The following SBNO2 variants were observed in gnomAD, a reference collection of about 807,000 sequenced individuals.
SBNO2 encodes the protein strawberry notch homolog 2.
In SBNO2, 89 loss-of-function variants were observed where a neutral mutation model predicts 146.3. That is an observed-to-expected ratio of 0.61 (90% confidence interval 0.51 to 0.73). The LOEUF (loss-of-function observed/expected upper bound fraction) is 0.73. SBNO2 is among the 30% of genes least tolerant of loss of function. The pLI is 0.00. For missense variants in SBNO2, 2,092 were observed against 2,003.7 expected (o/e 1.04, Z -0.84); for synonymous variants, 1,147 against 892.6 (o/e 1.29, Z -5.08).
chr19:1,114,396 C>A lies in SBNO2; in HGVS notation c.1912G>T (p.Ala638Ser). 6.5e-7 allele frequency: 1 copy of A among 1,546,004 alleles called. No homozygotes were observed. Among genetic ancestry groups the A allele is most frequent in the Non-Finnish European group, 8.7e-7 (1 of 1,144,284 alleles). Residue 638 changes from alanine (A) to serine (S), a missense_variant, in exon 18 of 32, where the codon GCC (alanine) becomes TCC (serine). Ala to Ser is a moderately conservative substitution (Grantham distance 99, BLOSUM62 1). Transcript: ENST00000361757. ...KRRPRGRGAK[A>S]PRLACETAGV... ...GCTGTCTCGCACGCCAGCCGGGGGG[C>A]TTTGGCCCCGCGTCCCCGAGGTCGC...
chr19:1,122,072 T>A, intron 11 of SBNO2, 67 bp downstream of exon 11: 168 of 462,462 alleles, frequency 3.6e-4, no homozygotes, highest in Non-Finnish European at 4.2e-4. Context: ...CTCCCACTCC[T>A]CCATCCTCCT....
intron 1 of SBNO2, 81 bp downstream of exon 1, chr19:1,174,091 G>A (rs1327691757): frequency 6.6e-6 from 1 of 151,172 alleles, no homozygotes; most frequent in Non-Finnish European, 1.5e-5. Context: ...GGGTCCGCGG[G>A]GAGCGCCGGA....
intron 1 of SBNO2, among the ~76,000 whole-genome samples, chr19:1,166,031 C>T (rs62640422): frequency 0.79 from 11,363 of 14,386 alleles, 4,172 homozygotes; most frequent in Middle Eastern, 0.86. Context: ...AGACCCCAGA[C>T]CCCAGACCCC....
intron 4 of SBNO2, among the ~76,000 whole-genome samples, chr19:1,138,302 G>A (rs980444549): frequency 6.6e-6 from 1 of 151,246 alleles, no homozygotes; most frequent in African/African-American, 2.4e-5. Flanking sequence ...GCCTGGGGGT[G>A]GGGCCGCGAG....
Position 1,112,356 on chromosome 19 carries a change from T to C in SBNO2, c.2515+46A>G. ...CCAGGCGGGGGCGGGGCCGAGACCA[T>C]GTTGGGGGCGGGGCCAGGCAGCGCT... On this transcript the variant is annotated intron_variant, in intron 21 of 31. Coordinates refer to ENST00000361757, the MANE Select transcript of SBNO2 (RefSeq NM_014963.3). The surrounding 1 kb of genome is among the most constrained non-coding windows in gnomAD (Gnocchi z 5.9). 1.3e-6 allele frequency: 2 copies of C among 1,568,104 alleles called. No individual in the cohort carries two copies. The highest frequency in any genetic ancestry group is 1.7e-6 in the Non-Finnish European group (2 of 1,159,436).
chr19:1,108,096 C>T lies in SBNO2; in HGVS notation c.*124G>A. ...GGGGGCCCGGGTCGGGCGCTGAAGGCACTGCGGCCAGGGCCTAGGGCTCCT... is the reference window on the plus strand; with the variant it reads ...GGGGGCCCGGGTCGGGCGCTGAAGGTACTGCGGCCAGGGCCTAGGGCTCCT... On this transcript the variant is annotated 3_prime_UTR_variant, in exon 32 of 32. Transcript: ENST00000361757. The T allele has an allele frequency of 8.9e-7, 1 of 1,117,592 alleles. No individual in the cohort carries two copies. Among genetic ancestry groups the T allele is most frequent in the East Asian group, 4.0e-5 (1 of 24,820 alleles). The allele number at this position is 1,117,592 out of a possible 1,614,324, so 69.2% of individuals were successfully genotyped here.
intron 4 of SBNO2, among the ~76,000 whole-genome samples, chr19:1,146,328 C>T (rs983618255): frequency 1.4e-4 from 21 of 152,226 alleles, no homozygotes; most frequent in African/African-American, 3.9e-4. Flanking sequence ...AAACTGGGCC[C>T]GGGGTCCACC....
intron 4 of SBNO2, among the ~76,000 whole-genome samples, chr19:1,142,711 G>A (rs1227577633): frequency 6.6e-6 from 1 of 151,828 alleles, no homozygotes; most frequent in Non-Finnish European, 1.5e-5. Flanking sequence ...GGTGGCTCAT[G>A]CCTGTAATCC....
At position 1,109,998 on chromosome 19, in the gene SBNO2, G is replaced by A. The variant is rs2079736020; in HGVS notation, c.3029-221C>T. On this transcript the variant is annotated intron_variant, in intron 26 of 31. Transcript: ENST00000361757. This position sits in a 1 kb window ranked among gnomAD's most constrained non-coding sequence, Gnocchi z 4.2. ...TAGGTAACCCCGAGCAGGCTGTGGG[G>A]GATCGTGGGAGCCTGGGGGCCGCTC... 6.6e-6 allele frequency among the ~76,000 whole-genome samples: 1 copy of A among 151,588 alleles called. No homozygotes were observed. Among genetic ancestry groups the A allele is most frequent in the Non-Finnish European group, 1.5e-5 (1 of 67,882 alleles).
chr19:1,148,048 T>C (rs961197506), intron 3 of SBNO2, among the ~76,000 whole-genome samples: 2 of 152,026 alleles, frequency 1.3e-5, no homozygotes, highest in East Asian at 3.9e-4. Context: ...GGCCAGCTCC[T>C]GCGCTTGGGA....
Position 1,109,612 on chromosome 19 carries a change from G to A in SBNO2, c.3124-14C>T, listed in dbSNP as rs1431303622. On this transcript the variant is annotated splice_polypyrimidine_tract_variant and intron_variant, in intron 27 of 31. Coordinates refer to ENST00000361757, the MANE Select transcript of SBNO2 (RefSeq NM_014963.3). The surrounding 1 kb of genome is among the most constrained non-coding windows in gnomAD (Gnocchi z 4.2). ...GTCCACGCTGATCTGCCACGGCACG[G>A]GGTGGGGGGGTGTGAGTGTGGTGGG... 1.3e-6 allele frequency: 2 copies of A among 1,564,236 alleles called. No homozygotes were observed. The highest frequency in any genetic ancestry group is 1.2e-5 in the South Asian group (1 of 85,256).
At position 1,118,997 on chromosome 19, in the gene SBNO2, G is replaced by A. The variant is rs577328579; in HGVS notation, c.1527+14C>T. On this transcript the variant is annotated intron_variant, in intron 14 of 31. Transcript: ENST00000361757. ...AAACGCACAGGGGTCCCCGGGTCGG[G>A]TGCGCAGGCTCACCAGCAGGGCCGC... The A allele has an allele frequency of 8.9e-6, 14 of 1,573,446 alleles. No individual in the cohort carries two copies. The highest frequency in any genetic ancestry group is 5.4e-5 in the African/African-American group (4 of 74,634).
intron 4 of SBNO2, among the ~76,000 whole-genome samples, chr19:1,145,636 G>T (rs1415155421): frequency 6.6e-6 from 1 of 152,174 alleles, no homozygotes; most frequent in African/African-American, 2.4e-5. Flanking sequence ...ACTGCCATCA[G>T]TCGCACCCCG....
chr19:1,162,455 G>A (rs923765835), intron 1 of SBNO2, among the ~76,000 whole-genome samples: 4 of 135,874 alleles, frequency 2.9e-5, no homozygotes, highest in South Asian at 2.6e-4. Context: ...GCGAGACTCC[G>A]TCTCAAAAAA....
Position 1,112,111 on chromosome 19 carries a change from G to C in SBNO2, c.2629-44C>G. The C allele has an allele frequency of 6.2e-7, 1 of 1,608,574 alleles. No homozygotes were observed. The highest frequency in any genetic ancestry group is 8.5e-7 in the Non-Finnish European group (1 of 1,177,384). ...CCATCAGTTGGTCACCTGGGGTCTG[G>C]CCTCTAGCACCCCACAAAGCTTTGG... On this transcript the variant is annotated intron_variant, in intron 22 of 31. Coordinates refer to ENST00000361757, the MANE Select transcript of SBNO2 (RefSeq NM_014963.3). The surrounding 1 kb of genome is among the most constrained non-coding windows in gnomAD (Gnocchi z 5.9).
At chr19:1,119,484 CG>C in intron 13 of SBNO2, 31 bp downstream of exon 13, 2 of 1,414,520 alleles carry the variant, frequency 1.4e-6, no homozygotes, top group Non-Finnish European at 2.0e-6. Context: ...CACCCCCCGC[CG>C]CCCCTCCACG....
rs1040474342 is a variant in SBNO2 at position 1,173,058 on chromosome 19, T to C, written c.-127+1114A>G. Among the ~76,000 whole-genome samples, 1 of 151,420 alleles carries C rather than the reference T, an allele frequency of 6.6e-6. No homozygotes were observed. The highest frequency in any genetic ancestry group is 1.5e-5 in the Non-Finnish European group (1 of 67,888). ...CATCCAGGGAGACACCCACCGTCCC[T>C]GCCCCAGCACCATCCGTGCCCGGCG... On this transcript the variant is annotated intron_variant, in intron 1 of 31. Transcript: ENST00000361757. The surrounding 1 kb of genome is among the most constrained non-coding windows in gnomAD (Gnocchi z 4.7).
At chr19:1,145,464 ACT>A (rs2080180916) in intron 4 of SBNO2, among the ~76,000 whole-genome samples, 3 of 148,552 alleles carry the variant, frequency 2.0e-5, no homozygotes, top group Admixed American at 6.7e-5. Flanking sequence ...CAAGAGCAAA[ACT>A]CTGTCTCAAA....
rs372534423 is a variant in SBNO2 at position 1,109,680 on chromosome 19, G to A, written c.3123+3C>T. 66 of 1,607,012 alleles carry A rather than the reference G, an allele frequency of 4.1e-5. No homozygotes were observed. Among genetic ancestry groups the A allele is most frequent in the Non-Finnish European group, 5.1e-5 (60 of 1,176,180 alleles). On this transcript the variant is annotated splice_donor_region_variant and intron_variant, in intron 27 of 31. Transcript: ENST00000361757. The surrounding 1 kb of genome is among the most constrained non-coding windows in gnomAD (Gnocchi z 4.2). Reference sequence around the variant, plus strand: ...GTGAGGGGCTGTGGGGCTTCCTGCTGACCTTGTAGAAGACCACCTGCCCGT... The same window carrying A: ...GTGAGGGGCTGTGGGGCTTCCTGCTAACCTTGTAGAAGACCACCTGCCCGT...
Sources: allele counts gnomAD v4.1 joint callset (sites outside exome capture counted in the v4.1 genomes callset), GRCh38; gene constraint gnomAD v4.1.1; non-coding constraint Gnocchi (gnomAD v3.1); transcripts MANE v1.5; gene names NCBI Gene and HGNC (gene_info 2026-07-23, HGNC 2026-07-21).